TMEM132E: variants seen among roughly 807,000 people sequenced by gnomAD.
TMEM132E encodes transmembrane protein 132E.
TMEM132E carries 49 observed loss-of-function variants against 78.5 expected under a neutral mutation model. The observed-to-expected ratio is 0.62, with a 90% CI of 0.50 to 0.79. TMEM132E has a LOEUF of 0.79. TMEM132E is among the 30% of genes least tolerant of loss of function. TMEM132E has a pLI of 0.00. For synonymous variants in TMEM132E, 715 were observed against 670.6 expected (o/e 1.07, Z -1.02); for missense variants, 1,403 against 1,470.9 (o/e 0.95, Z 0.75).
intron 1 of TMEM132E, among the ~76,000 whole-genome samples, chr17:34,607,863 C>G (rs982755427): frequency 2.6e-5 from 4 of 152,100 alleles, no homozygotes; most frequent in Non-Finnish European, 5.9e-5. Context: ...GAGCTTCTGT[C>G]CCCCTGAAGT....
At chr17:34,618,205 A>C (rs992547951) in intron 1 of TMEM132E, among the ~76,000 whole-genome samples, 1 of 152,122 alleles carries the variant, frequency 6.6e-6, no homozygotes, top group Non-Finnish European at 1.5e-5. Flanking sequence ...TAAACATAGC[A>C]TTACAGTGAA....
rs1905440202 is a variant in TMEM132E, at chr17:34,580,784, G to C, written c.-293G>C. 1 of 364,778 alleles carries C rather than the reference G, an allele frequency of 2.7e-6. No homozygotes were observed. Among genetic ancestry groups the C allele is most frequent in the Admixed American group, 4.8e-5 (1 of 20,620 alleles). 22.6% of individuals were successfully genotyped at this position (364,778 alleles called of 1,614,324 possible). ...GCCCGCGGCCACCGGGCTCCGGACT[G>C]CACGTGCAGCTCCCCCCGCGCCTCG... On this transcript the variant is annotated 5_prime_UTR_variant, in exon 1 of 9. Transcript: ENST00000631683.
intron 8 of TMEM132E, 26 bp from the exon 9 acceptor site, chr17:34,637,151 A>C: frequency 1.3e-5 from 20 of 1,551,598 alleles, no homozygotes; most frequent in Middle Eastern, 1.7e-4. Context: ...TTTGACTCCT[A>C]TCCCCTCCTT....
chr17:34,629,288 G>C, intron 4 of TMEM132E, 84 bp downstream of exon 4: 3 of 1,437,490 alleles, frequency 2.1e-6, no homozygotes, highest in Admixed American at 2.0e-5. Flanking sequence ...GAACCACTGA[G>C]TATATGTACA....
In TMEM132E at chr17:34,613,211, A is replaced by ACACACACACGCG; in HGVS notation, c.68-12915_68-12914insACACACACGCGC. ...CACACACACACCCACACACACACAC[A>ACACACACACGCG]CGCGCGCGCGCGCGCGTTCTTACAT... On this transcript the variant is annotated intron_variant, in intron 1 of 8. Coordinates refer to ENST00000631683, the MANE Select transcript of TMEM132E (RefSeq NM_001304438.2). Among the ~76,000 whole-genome samples, 825 of 115,904 alleles carry ACACACACACGCG rather than the reference A, an allele frequency of 7.1e-3. 12 individuals are homozygous for ACACACACACGCG. Among genetic ancestry groups the ACACACACACGCG allele is most frequent in the East Asian group, 0.026 (79 of 2,988 alleles). 76.0% of individuals were successfully genotyped at this position (115,904 alleles called of 152,430 possible).
intron 1 of TMEM132E, among the ~76,000 whole-genome samples, chr17:34,584,257 T>G (rs1384069084): frequency 6.6e-6 from 1 of 152,236 alleles, no homozygotes; most frequent in Non-Finnish European, 1.5e-5. Flanking sequence ...CTTTCCTGCC[T>G]TTCTGCTTTT....
intron 1 of TMEM132E, among the ~76,000 whole-genome samples, chr17:34,590,612 A>C (rs1435443399): frequency 1.3e-5 from 2 of 152,066 alleles, no homozygotes; most frequent in East Asian, 3.9e-4. Context: ...ATAAAAACAC[A>C]GGGCAAAAAT....
intron 1 of TMEM132E, among the ~76,000 whole-genome samples, chr17:34,599,112 G>A (rs1229177224): frequency 6.6e-6 from 1 of 152,238 alleles, no homozygotes; most frequent in African/African-American, 2.4e-5. Context: ...CTGGAGCAGT[G>A]CAAACCTTAG....
Position 34,626,588 on chromosome 17 carries a change from A to G in TMEM132E, c.529A>G (p.Lys177Glu). The change falls in exon 2 of 9, where the codon AAG becomes GAG. Residue 177 changes from lysine (K) to glutamate (E), a missense_variant. Lys to Glu is a moderately conservative substitution (Grantham distance 56). Transcript: ENST00000631683. ...TGCCTTCCGGGATGCCCGGGAAGTCAAGAGCTCCTGCCGCCTCAGCGGGGG... is the reference window on the plus strand; with the variant it reads ...TGCCTTCCGGGATGCCCGGGAAGTCGAGAGCTCCTGCCGCCTCAGCGGGGG... ...LHAFRDAREVKSSCRLSGGLA... is the reference protein window; with the variant it reads ...LHAFRDAREVESSCRLSGGLA... 1 of 1,555,770 alleles carries G rather than the reference A, an allele frequency of 6.4e-7. No individual in the cohort carries two copies.
At chr17:34,606,469 G>A (rs1906416685) in intron 1 of TMEM132E, among the ~76,000 whole-genome samples, 1 of 152,206 alleles carries the variant, frequency 6.6e-6, no homozygotes, top group African/African-American at 2.4e-5. Flanking sequence ...AGAAACTGAG[G>A]CCCAGGGAGG....
At chr17:34,615,180 C>A (rs1046061500) in intron 1 of TMEM132E, among the ~76,000 whole-genome samples, 1 of 148,576 alleles carries the variant, frequency 6.7e-6, no homozygotes, top group African/African-American at 2.5e-5. Flanking sequence ...AGTTCAGGGG[C>A]TGTCCTGGTG....
At chr17:34,627,481 T>C (rs1907197260) in intron 2 of TMEM132E, among the ~76,000 whole-genome samples, 5 of 145,462 alleles carry the variant, frequency 3.4e-5, no homozygotes, top group African/African-American at 1.1e-4. Context: ...TGTGTGTGTG[T>C]GTGTGTGTGT....
At chr17:34,598,703 A>G (rs1374649492) in intron 1 of TMEM132E, among the ~76,000 whole-genome samples, 2 of 152,216 alleles carry the variant, frequency 1.3e-5, no homozygotes, top group East Asian at 1.9e-4. Context: ...TCTCTGATGT[A>G]ATTGGAACCC....
At chr17:34,581,989 C>T (rs1459005768) in intron 1 of TMEM132E, among the ~76,000 whole-genome samples, 2 of 151,806 alleles carry the variant, frequency 1.3e-5, no homozygotes, top group Non-Finnish European at 2.9e-5. Flanking sequence ...GAGGCTGCAG[C>T]GGGCCTTCCG....
intron 3 of TMEM132E, 50 bp downstream of exon 3, chr17:34,628,759 G>A: frequency 2.0e-6 from 3 of 1,517,050 alleles, no homozygotes; most frequent in South Asian, 1.3e-5. Flanking sequence ...GCAGCCATCT[G>A]AGAGGAGTGG....
intron 1 of TMEM132E, among the ~76,000 whole-genome samples, chr17:34,613,538 T>G (rs1906682327): frequency 6.6e-6 from 1 of 151,782 alleles, no homozygotes; most frequent in Admixed American, 6.6e-5. Flanking sequence ...CTCCCCTGAC[T>G]CCAGGATAGG....
Position 34,630,105 on chromosome 17 carries a change from T to C in TMEM132E, c.1436T>C (p.Ile479Thr), listed in dbSNP as rs752801034. The C allele has an allele frequency of 6.2e-7, 1 of 1,613,500 alleles. No individual in the cohort carries two copies. Among genetic ancestry groups the C allele is most frequent in the South Asian group, 1.1e-5 (1 of 91,044 alleles). The change falls in exon 5 of 9, where the codon ATC becomes ACC. Residue 479 changes from isoleucine (I) to threonine (T), a missense_variant. This residue lies in a region of TMEM132E where 888 missense variants were observed against 952.8 expected (regional missense o/e 0.93). Coordinates refer to ENST00000631683, the MANE Select transcript of TMEM132E (RefSeq NM_001304438.2). ...GAGGTGAATGGCCTCGTCCTGGACA[T>C]CTCCGCCCTAGTGGAATGCGAGTCT... ...AIEVNGLVLD[I>T]SALVECESDN...
chr17:34,591,816 G>A (rs1223875242), intron 1 of TMEM132E, among the ~76,000 whole-genome samples: 1 of 152,218 alleles, frequency 6.6e-6, no homozygotes, highest in Admixed American at 6.5e-5. Context: ...TGCCTGCCCT[G>A]CTGCAGTGTA....
At chr17:34,606,834 T>C (rs567391430) in intron 1 of TMEM132E, among the ~76,000 whole-genome samples, 1 of 152,322 alleles carries the variant, frequency 6.6e-6, no homozygotes, top group South Asian at 2.1e-4. Context: ...GCACTTCCTC[T>C]GCCCGTAAAA....
Sources: allele counts gnomAD v4.1 joint callset (sites outside exome capture counted in the v4.1 genomes callset), GRCh38; gene constraint gnomAD v4.1.1; regional missense constraint gnomAD v4.1.1; transcripts MANE v1.5; gene names NCBI Gene and HGNC (gene_info 2026-07-23, HGNC 2026-07-21).